BMP6: variants seen among roughly 807,000 people sequenced by gnomAD.
BMP6 encodes VG-1-R.
Under a neutral mutation model 54.1 loss-of-function variants are expected in BMP6, and 17 were observed. The ratio of observed to expected loss-of-function variants is 0.31; its 90% CI spans 0.22 to 0.47. The LOEUF is 0.47. Among genes scored for constraint, BMP6 ranks in the 20% least tolerant of loss-of-function variants. The pLI is 1.00. For synonymous variants in BMP6, 328 were observed against 291.2 expected (o/e 1.13, Z -1.28); for missense variants, 720 against 690.4 (o/e 1.04, Z -0.48).
At chr6:7,797,080 T>A (rs1426731543) in intron 1 of BMP6, among the ~76,000 whole-genome samples, 1 of 152,228 alleles carries the variant, frequency 6.6e-6, no homozygotes, top group Non-Finnish European at 1.5e-5. Flanking sequence ...GTACTACCTA[T>A]TTGTAATATG....
At chr6:7,752,568 T>G (rs1029890970) in intron 1 of BMP6, among the ~76,000 whole-genome samples, 5 of 151,850 alleles carry the variant, frequency 3.3e-5, no homozygotes, top group African/African-American at 1.2e-4. Flanking sequence ...GGTTTTTTTT[T>G]TTTTTTTTTG....
intron 4 of BMP6, among the ~76,000 whole-genome samples, chr6:7,863,241 A>G (rs1422985437): frequency 6.6e-6 from 1 of 152,092 alleles, no homozygotes; most frequent in Non-Finnish European, 1.5e-5. Context: ...CTCGTGATCC[A>G]CCCACCTTGG....
intron 1 of BMP6, among the ~76,000 whole-genome samples, chr6:7,775,549 ATTATC>A (rs1259713460): frequency 2.0e-5 from 3 of 152,218 alleles, no homozygotes; most frequent in African/African-American, 7.2e-5. Context: ...AATGTTTGTA[ATTATC>A]TCCTAGTGAT....
chr6:7,741,100 T>C (rs1757242740), intron 1 of BMP6, among the ~76,000 whole-genome samples: 1 of 152,178 alleles, frequency 6.6e-6, no homozygotes, highest in Non-Finnish European at 1.5e-5. Flanking sequence ...TTTGCCTATT[T>C]ACCTGGTGAA....
chr6:7,789,704 C>T (rs1293831055), intron 1 of BMP6, among the ~76,000 whole-genome samples: 1 of 152,130 alleles, frequency 6.6e-6, no homozygotes, highest in Non-Finnish European at 1.5e-5. Flanking sequence ...GTACTCGGGG[C>T]TGGTTAGTAA....
At chr6:7,769,132 A>G (rs1417609206) in intron 1 of BMP6, among the ~76,000 whole-genome samples, 1 of 152,270 alleles carries the variant, frequency 6.6e-6, no homozygotes, top group African/African-American at 2.4e-5. Flanking sequence ...ACCCAAAGCA[A>G]AAAAGTTTTG....
intron 1 of BMP6, among the ~76,000 whole-genome samples, chr6:7,808,107 A>G (rs1485930782): frequency 6.6e-6 from 1 of 151,572 alleles, no homozygotes. Context: ...TTTTTAGTAG[A>G]GATGGGGTTT....
chr6:7,783,806 A>T (rs1011557341), intron 1 of BMP6, among the ~76,000 whole-genome samples: 1 of 152,348 alleles, frequency 6.6e-6, no homozygotes, highest in Admixed American at 6.5e-5. Flanking sequence ...CCTCTTCTTC[A>T]TGGAATGAGC....
At chr6:7,833,553 G>A (rs149103485) in intron 1 of BMP6, among the ~76,000 whole-genome samples, 33 of 152,292 alleles carry the variant, frequency 2.2e-4, no homozygotes, top group African/African-American at 7.5e-4. Context: ...GAGAACGCTG[G>A]GCTGGAGATA....
intron 2 of BMP6, among the ~76,000 whole-genome samples, chr6:7,857,661 C>T (rs1451588517): frequency 6.6e-6 from 1 of 152,212 alleles, no homozygotes; most frequent in Non-Finnish European, 1.5e-5. Context: ...TTATTTTTCA[C>T]GTGGCAAAAT....
intron 1 of BMP6, among the ~76,000 whole-genome samples, chr6:7,782,943 C>T (rs1757969069): frequency 6.6e-6 from 1 of 152,074 alleles, no homozygotes; most frequent in Admixed American, 6.5e-5. Flanking sequence ...AGAACTGAAA[C>T]TTGGTTATTG....
At chr6:7,832,402 T>C (rs1758806834) in intron 1 of BMP6, among the ~76,000 whole-genome samples, 1 of 152,050 alleles carries the variant, frequency 6.6e-6, no homozygotes, top group African/African-American at 2.4e-5. Context: ...GCTTCCACCA[T>C]GTGAGGGCAC....
At chr6:7,808,086 A>C (rs2326995) in intron 1 of BMP6, among the ~76,000 whole-genome samples, 70,660 of 151,492 alleles carry the variant, frequency 0.47, 16,470 homozygotes, top group Non-Finnish European at 0.48. Flanking sequence ...ACACCCGGCT[A>C]ATTTTTTGTG....
At chr6:7,835,732 G>T (rs1271906070) in intron 1 of BMP6, among the ~76,000 whole-genome samples, 1 of 152,176 alleles carries the variant, frequency 6.6e-6, no homozygotes, top group Non-Finnish European at 1.5e-5. Context: ...CCCAACGCAT[G>T]TTTATTGACT....
intron 5 of BMP6, among the ~76,000 whole-genome samples, chr6:7,879,508 C>T (rs1759675337): frequency 6.6e-6 from 1 of 152,176 alleles, no homozygotes; most frequent in Non-Finnish European, 1.5e-5. Flanking sequence ...AAAAAATTAC[C>T]TAATGGTTAA....
intron 1 of BMP6, among the ~76,000 whole-genome samples, chr6:7,783,113 A>AG (rs936239353): frequency 2.0e-5 from 3 of 152,220 alleles, no homozygotes; most frequent in African/African-American, 7.2e-5. Flanking sequence ...AGGAGAGGAG[A>AG]GAGAAAGGGT....
intron 1 of BMP6, among the ~76,000 whole-genome samples, chr6:7,772,014 A>G (rs147836910): frequency 0.011 from 1,581 of 150,258 alleles, 21 homozygotes; most frequent in African/African-American, 0.037. Context: ...AGATTGTGCG[A>G]TTGCACTCCA....
chr6:7,870,150 G>T (rs1759499274), intron 4 of BMP6, among the ~76,000 whole-genome samples: 1 of 152,186 alleles, frequency 6.6e-6, no homozygotes, highest in Non-Finnish European at 1.5e-5. Flanking sequence ...CTGGCCCCCA[G>T]GTAACATGGA....
At chr6:7,776,422 A>G (rs573512171) in intron 1 of BMP6, among the ~76,000 whole-genome samples, 1 of 152,352 alleles carries the variant, frequency 6.6e-6, no homozygotes, top group South Asian at 2.1e-4. Context: ...AGCTTCTTTC[A>G]TGGGTCTCCA....
Sources: allele counts gnomAD v4.1 joint callset (sites outside exome capture counted in the v4.1 genomes callset), GRCh38; gene constraint gnomAD v4.1.1; transcripts MANE v1.5; gene names NCBI Gene and HGNC (gene_info 2026-07-23, HGNC 2026-07-21).